HCRTR2: variants seen among roughly 807,000 people sequenced by gnomAD.
HCRTR2 encodes orexin receptor type 2.
In HCRTR2, 22 loss-of-function variants were observed where a neutral mutation model predicts 49.0. The observed-to-expected ratio is 0.45, with a 90% CI of 0.32 to 0.64. The LOEUF (loss-of-function observed/expected upper bound fraction) is 0.64. HCRTR2 is among the 30% of genes least tolerant of loss of function. HCRTR2 has a pLI of 0.04. For synonymous variants in HCRTR2, 236 were observed against 205.3 expected (o/e 1.15, Z -1.28); for missense variants, 491 against 559.4 (o/e 0.88, Z 1.23).
intron 4 of HCRTR2, among the ~76,000 whole-genome samples, chr6:55,271,361 A>G (rs1766969441): frequency 6.6e-6 from 1 of 152,102 alleles, no homozygotes; most frequent in African/African-American, 2.4e-5. Context: ...ATGGAGTTGA[A>G]CCTCACCTCA....
At chr6:55,228,870 A>G (rs1204529169) in intron 1 of HCRTR2, among the ~76,000 whole-genome samples, 2 of 152,248 alleles carry the variant, frequency 1.3e-5, no homozygotes, top group Non-Finnish European at 2.9e-5. Context: ...GTAAACATGT[A>G]GAAATGACTT....
At chr6:55,163,029 A>C (rs957895909) in intron 1 of HCRTR2, among the ~76,000 whole-genome samples, 1 of 152,096 alleles carries the variant, frequency 6.6e-6, no homozygotes, top group Non-Finnish European at 1.5e-5. Flanking sequence ...CAGGAGGATC[A>C]AGAGGTCAGG....
intron 1 of HCRTR2, among the ~76,000 whole-genome samples, chr6:55,120,552 CT>C (rs1371060492): frequency 6.7e-6 from 1 of 150,358 alleles, no homozygotes; most frequent in Non-Finnish European, 1.5e-5. Context: ...ATTTGGCTCA[CT>C]GTTTGTTATT....
chr6:55,145,873 A>G (rs993907622), intron 1 of HCRTR2, among the ~76,000 whole-genome samples: 3 of 151,994 alleles, frequency 2.0e-5, no homozygotes, highest in African/African-American at 7.3e-5. Context: ...CTTTCCCCAT[A>G]TACTTAGAAT....
At chr6:55,132,045 A>G (rs180763892) in intron 1 of HCRTR2, among the ~76,000 whole-genome samples, 38 of 152,000 alleles carry the variant, frequency 2.5e-4, no homozygotes, top group African/African-American at 8.9e-4. Flanking sequence ...TGAGTTGTAC[A>G]TGTGTTTGTG....
At chr6:55,268,229 T>G (rs1294412439) in intron 4 of HCRTR2, among the ~76,000 whole-genome samples, 3 of 151,986 alleles carry the variant, frequency 2.0e-5, no homozygotes. Context: ...ACAAAAGAAT[T>G]AAAATAGTAT....
intron 1 of HCRTR2, among the ~76,000 whole-genome samples, chr6:55,202,133 A>C (rs1031166848): frequency 6.6e-6 from 1 of 152,246 alleles, no homozygotes; most frequent in African/African-American, 2.4e-5. Flanking sequence ...AACTTTTCAG[A>C]TTAAATAATG....
intron 1 of HCRTR2, among the ~76,000 whole-genome samples, chr6:55,123,123 G>A (rs886892339): frequency 1.3e-5 from 2 of 151,228 alleles, no homozygotes; most frequent in Non-Finnish European, 3.0e-5. Context: ...TAATAAAAAT[G>A]TATATATATA....
At chr6:55,106,924 C>T (rs1290380442) in intron 1 of HCRTR2, among the ~76,000 whole-genome samples, 3 of 152,032 alleles carry the variant, frequency 2.0e-5, no homozygotes, top group Non-Finnish European at 2.9e-5. Context: ...AGATACTTAA[C>T]GTTTTCAATC....
At chr6:55,252,019 C>A (rs1222238919) in intron 2 of HCRTR2, among the ~76,000 whole-genome samples, 1 of 152,080 alleles carries the variant, frequency 6.6e-6, no homozygotes. Flanking sequence ...AAAACTTTCA[C>A]TTATAATTAC....
At chr6:55,144,497 C>T (rs981043644) in intron 1 of HCRTR2, among the ~76,000 whole-genome samples, 3 of 152,156 alleles carry the variant, frequency 2.0e-5, no homozygotes, top group African/African-American at 7.2e-5. Flanking sequence ...GGTCCCCAAA[C>T]TTCTTGGTAC....
intron 1 of HCRTR2, among the ~76,000 whole-genome samples, chr6:55,242,373 C>T (rs879697851): frequency 6.6e-5 from 9 of 137,072 alleles, no homozygotes; most frequent in South Asian, 2.3e-4. Context: ...CCCCTCTTCT[C>T]CTAGCCCCTG....
At chr6:55,118,472 C>CCA (rs1046468854) in intron 1 of HCRTR2, among the ~76,000 whole-genome samples, 1 of 151,874 alleles carries the variant, frequency 6.6e-6, no homozygotes, top group African/African-American at 2.4e-5. Context: ...TAAAGAATTG[C>CCA]CACACCGTCT....
At chr6:55,220,612 G>GT (rs1353795156) in intron 1 of HCRTR2, among the ~76,000 whole-genome samples, 1 of 152,054 alleles carries the variant, frequency 6.6e-6, no homozygotes, top group African/African-American at 2.4e-5. Flanking sequence ...ATACTCAATG[G>GT]TAAAAACTGA....
At chr6:55,245,667 T>C (rs901908782) in intron 1 of HCRTR2, among the ~76,000 whole-genome samples, 11 of 151,240 alleles carry the variant, frequency 7.3e-5, no homozygotes, top group African/African-American at 2.7e-4. Context: ...TTAGAGCTAT[T>C]ACTGATAATC....
At chr6:55,205,193 C>G (rs1218274942) in intron 1 of HCRTR2, among the ~76,000 whole-genome samples, 1 of 152,118 alleles carries the variant, frequency 6.6e-6, no homozygotes, top group African/African-American at 2.4e-5. Flanking sequence ...TGAGGATGTA[C>G]TTTTGGGAAA....
chr6:55,191,092 G>A lies in HCRTR2; in HGVS notation c.223+16282G>A, dbSNP rs374036443. Among the ~76,000 whole-genome samples, 480 of 152,138 alleles carry A rather than the reference G, an allele frequency of 3.2e-3. 1 individual carries two copies. Among genetic ancestry groups the A allele is most frequent in the African/African-American group, 0.011 (461 of 41,498 alleles). ...AATTACAGCAAAAAGACCAATAAGA[G>A]GAATTAGGGGCAATGAAGGAAGGAG... On this transcript the variant is annotated intron_variant, in intron 1 of 6. Coordinates refer to ENST00000370862, the MANE Select transcript of HCRTR2 (RefSeq NM_001384272.1).
At chr6:55,266,603 T>C (rs2127324556) in intron 4 of HCRTR2, among the ~76,000 whole-genome samples, 1 of 152,102 alleles carries the variant, frequency 6.6e-6, no homozygotes, top group South Asian at 2.1e-4. Flanking sequence ...TCCTTATTTT[T>C]ACTAGTTAGT....
Position 55,109,873 on chromosome 6 carries a change from TC to T in HCRTR2, c.-378+3329del, listed in dbSNP as rs1288012504. Among the ~76,000 whole-genome samples the T allele has an allele frequency of 2.0e-5, 3 of 152,106 alleles. No homozygotes were observed. The East Asian group carries it at 5.8e-4, about 29-fold the overall frequency. The stretch of plus-strand genomic sequence containing the variant: ...TCGAATACAAGAAGCTCAAAGAACA[TC>T]TGGGAAATTCATTACAAAAGGATCA... On this transcript the variant is annotated intron_variant, in intron 1 of 7. Transcript: ENST00000615358.
Sources: gnomAD v4.1 joint callset for allele counts (sites outside exome capture counted in the v4.1 genomes callset) on GRCh38, gnomAD v4.1.1 for gene constraint, MANE v1.5 for transcripts, NCBI Gene and HGNC (gene_info 2026-07-23, HGNC 2026-07-21) for gene names.